CLEC16A: variants seen among roughly 807,000 people sequenced by gnomAD.
CLEC16A encodes the protein protein CLEC16A.
Under a neutral mutation model 109.5 loss-of-function variants are expected in CLEC16A, and 51 were observed. That is an observed-to-expected ratio of 0.47 (90% CI 0.37 to 0.59). The LOEUF is 0.59. CLEC16A is among the 20% of genes least tolerant of loss of function. The pLI, the probability that CLEC16A is intolerant of heterozygous loss-of-function variation, is 0.00. For missense variants in CLEC16A, 1,339 were observed against 1,394.0 expected, an observed-to-expected ratio of 0.96 and a Z score of 0.63; for synonymous variants, 673 against 564.2, an observed-to-expected ratio of 1.19 and a Z score of -2.73.
chr16:11,066,718 G>A (rs2152918185), intron 19 of CLEC16A: 1 of 152,382 alleles, frequency 6.6e-6, no homozygotes, highest in East Asian at 1.9e-4. Flanking sequence ...GCGACAGTGT[G>A]TTAGATCATG....
intron 18 of CLEC16A, among the ~76,000 whole-genome samples, chr16:11,056,307 C>T (rs1203331159): frequency 6.6e-6 from 1 of 152,180 alleles, no homozygotes; most frequent in Non-Finnish European, 1.5e-5. Context: ...TCAGCTGTTG[C>T]CCAGAGTAGA....
At chr16:11,112,671 A>G (rs970426177) in intron 19 of CLEC16A, among the ~76,000 whole-genome samples, 4 of 152,128 alleles carry the variant, frequency 2.6e-5, no homozygotes, top group Admixed American at 6.5e-5. Context: ...CAATACATAC[A>G]TACATACATA....
At chr16:11,025,707 G>A (rs2046368197) in intron 13 of CLEC16A, among the ~76,000 whole-genome samples, 1 of 151,866 alleles carries the variant, frequency 6.6e-6, no homozygotes, top group African/African-American at 2.4e-5. Context: ...GTTTTACTAA[G>A]ACAGCCTATG....
intron 10 of CLEC16A, among the ~76,000 whole-genome samples, chr16:10,984,125 G>A (rs1436453161): frequency 1.3e-5 from 2 of 152,144 alleles, no homozygotes; most frequent in Non-Finnish European, 2.9e-5. Flanking sequence ...TCGCCCTGGG[G>A]TAGTAGATTT....
At chr16:10,949,951 C>T (rs1199476446) in intron 1 of CLEC16A, among the ~76,000 whole-genome samples, 1 of 152,232 alleles carries the variant, frequency 6.6e-6, no homozygotes, top group Admixed American at 6.5e-5. Context: ...TAGCTCTATC[C>T]CGAAAATGCC....
chr16:11,061,054 G>A (rs773897210), intron 19 of CLEC16A, 32 bp downstream of exon 19: 1 of 1,579,586 alleles, frequency 6.3e-7, no homozygotes, highest in South Asian at 1.1e-5. Flanking sequence ...ACAGCAGGGG[G>A]CTGGGGGACA....
rs9927902 is a variant in CLEC16A, at chr16:11,026,965, C to T, written c.1537+2044C>T. 2.7e-3 allele frequency: 3,877 copies of T among 1,449,548 alleles called. 91 individuals are homozygous for T. The African/African-American group carries it at 0.048, about 18-fold the overall frequency. The allele number at this position is 1,449,548 out of a possible 1,614,324, so 89.8% of individuals were successfully genotyped here. ...TCTCTATGGTCAAGTAAACAGCGCGCGTGCTGTCTTTCCCATGTGGTGGGG... is the reference window on the plus strand; with the variant it reads ...TCTCTATGGTCAAGTAAACAGCGCGTGTGCTGTCTTTCCCATGTGGTGGGG... On this transcript the variant is annotated intron_variant, in intron 13 of 23. Transcript: ENST00000409790.
At chr16:10,980,497 A>G (rs563336218) in intron 9 of CLEC16A, among the ~76,000 whole-genome samples, 2 of 152,078 alleles carry the variant, frequency 1.3e-5, no homozygotes, top group Admixed American at 1.3e-4. Flanking sequence ...TATGGAAAGC[A>G]TCCTCAGGAC....
At chr16:11,042,782 T>A (rs938272133) in intron 15 of CLEC16A, among the ~76,000 whole-genome samples, 12 of 151,914 alleles carry the variant, frequency 7.9e-5, no homozygotes, top group African/African-American at 2.4e-4. Flanking sequence ...ATGTTTATTT[T>A]AGAAAATTTA....
At chr16:11,046,845 T>A (rs2047660854) in intron 16 of CLEC16A, among the ~76,000 whole-genome samples, 1 of 152,214 alleles carries the variant, frequency 6.6e-6, no homozygotes, top group Non-Finnish European at 1.5e-5. Context: ...GCCATGTAAT[T>A]GTAATGTTAA....
intron 18 of CLEC16A, among the ~76,000 whole-genome samples, chr16:11,057,711 T>A (rs2048280128): frequency 6.6e-6 from 1 of 152,242 alleles, no homozygotes; most frequent in Non-Finnish European, 1.5e-5. Context: ...AATAATACTT[T>A]TAAATTTGCG....
chr16:11,161,658 A>T (rs1379738789), intron 22 of CLEC16A, among the ~76,000 whole-genome samples: 1 of 152,200 alleles, frequency 6.6e-6, no homozygotes, highest in Non-Finnish European at 1.5e-5. Flanking sequence ...AGAGATTATC[A>T]ACTCAAACGC....
intron 22 of CLEC16A, chr16:11,157,286 C>T (rs1055420007): frequency 9.9e-5 from 114 of 1,156,176 alleles, no homozygotes; most frequent in Non-Finnish European, 1.2e-4. Context: ...GCAGCTCAGG[C>T]TTGGCCCGGG....
chr16:11,146,898 G>A (rs2054083298), intron 22 of CLEC16A, among the ~76,000 whole-genome samples: 1 of 152,184 alleles, frequency 6.6e-6, no homozygotes, highest in Non-Finnish European at 1.5e-5. Context: ...TGGAGCTCAT[G>A]GGCACTGTGG....
chr16:11,020,062 C>A, intron 11 of CLEC16A, 131 bp from the exon 12 acceptor site: 2 of 1,027,740 alleles, frequency 1.9e-6, no homozygotes, highest in South Asian at 4.4e-5. Flanking sequence ...GTGTTCAGGT[C>A]GCTGCTGTCG....
chr16:10,988,313 C>T (rs977955001), intron 10 of CLEC16A, among the ~76,000 whole-genome samples: 35 of 152,106 alleles, frequency 2.3e-4, no homozygotes, highest in African/African-American at 8.0e-4. Flanking sequence ...ATTCCTTCAG[C>T]AGCCATCTGT....
intron 15 of CLEC16A, among the ~76,000 whole-genome samples, chr16:11,043,723 G>C (rs1290978858): frequency 1.3e-5 from 2 of 152,032 alleles, no homozygotes; most frequent in Non-Finnish European, 2.9e-5. Context: ...AAATTAGCCA[G>C]GCATGGTGAT....
intron 10 of CLEC16A, among the ~76,000 whole-genome samples, chr16:10,987,456 G>T (rs1173019216): frequency 6.6e-6 from 1 of 152,198 alleles, no homozygotes; most frequent in East Asian, 1.9e-4. Flanking sequence ...CCTCTTCTTA[G>T]GATGAAGGTC....
chr16:11,039,917 T>C, intron 14 of CLEC16A, 41 bp downstream of exon 14: 2 of 1,600,468 alleles, frequency 1.2e-6, no homozygotes, highest in East Asian at 2.3e-5. Context: ...GGCCACGCAG[T>C]TGTAGGAAGC....
Sources: gnomAD v4.1 joint callset for allele counts (sites outside exome capture counted in the v4.1 genomes callset) on GRCh38, gnomAD v4.1.1 for gene constraint, MANE v1.5 for transcripts, NCBI Gene and HGNC (gene_info 2026-07-23, HGNC 2026-07-21) for gene names.